The following FRMD1 variants were observed in gnomAD, a reference collection of about 807,000 sequenced individuals.
FRMD1 encodes FERM domain containing 1.
A neutral mutation model predicts 54.9 loss-of-function variants in FRMD1; 51 were observed. The ratio of observed to expected loss-of-function variants is 0.93; its 90% CI spans 0.74 to 1.17. The LOEUF is 1.17. FRMD1 is among the 50% of genes most tolerant of loss of function. The pLI is 0.00. For missense variants in FRMD1, 729 were observed against 743.0 expected (o/e 0.98, Z 0.22); for synonymous variants, 324 against 306.4 (o/e 1.06, Z -0.60).
chr6:168,075,409 G>T, intron 1 of FRMD1, 74 bp from the exon 2 acceptor site: 1 of 1,199,754 alleles, frequency 8.3e-7, no homozygotes, highest in Non-Finnish European at 1.2e-6. Flanking sequence ...AGCAAACGAG[G>T]CCCAGCGGGG....
intron 2 of FRMD1, 101 bp from the exon 3 acceptor site, chr6:168,067,547 G>GTTTT: frequency 1.4e-6 from 1 of 726,392 alleles, no homozygotes; most frequent in Non-Finnish European, 2.4e-6. Context: ...GAGATGCACA[G>GTTTT]CTGAAAACTG....
At chr6:168,082,814 T>C (rs1472379444), upstream of FRMD1, among the ~76,000 whole-genome samples, 1 of 152,228 alleles carries the variant, frequency 6.6e-6, no homozygotes, top group Non-Finnish European at 1.5e-5. Context: ...ATCTGACTTT[T>C]GCTGCTCTGC....
upstream of FRMD1, chr6:168,081,805 C>G (rs1046095415): frequency 2.3e-5 from 9 of 386,104 alleles, no homozygotes; most frequent in Non-Finnish European, 3.7e-5. Flanking sequence ...TGCAGAGGGG[C>G]GAGGTGTCCT....
chr6:168,075,261 G>A lies in FRMD1; in HGVS notation c.288C>T (p.Gly96=). 6.2e-7 allele frequency: 1 copy of A among 1,613,664 alleles called. No individual in the cohort carries two copies. ...VASIRDAQFF[G]LCVVRNNEYI... is the part of the protein sequence containing the mutation. ...GATGCTTACTTCTGACCACACAGAG[G>A]CCAAAGAACTGCGCGTCTCTGATGC... Residue 96 remains glycine, a synonymous_variant, in exon 2 of 11, where the codon GGC becomes GGT. Coordinates refer to ENST00000283309, the MANE Select transcript of FRMD1 (RefSeq NM_024919.6).
intron 2 of FRMD1, among the ~76,000 whole-genome samples, chr6:168,074,420 G>T (rs1246008435): frequency 6.6e-6 from 1 of 152,074 alleles, no homozygotes; most frequent in Non-Finnish European, 1.5e-5. Flanking sequence ...CATGTGTGTG[G>T]TGCGCACATG....
intron 2 of FRMD1, among the ~76,000 whole-genome samples, chr6:168,069,483 G>T (rs906117638): frequency 6.6e-6 from 1 of 152,212 alleles, no homozygotes; most frequent in Non-Finnish European, 1.5e-5. Flanking sequence ...CACTATTTGG[G>T]TACTCGAGCT....
intron 6 of FRMD1, 51 bp downstream of exon 6, chr6:168,063,550 C>A: frequency 1.3e-6 from 2 of 1,547,150 alleles, no homozygotes; most frequent in Non-Finnish European, 1.7e-6. Flanking sequence ...CTCCGTGCAT[C>A]CCTGGCCTGG....
intron 2 of FRMD1, among the ~76,000 whole-genome samples, chr6:168,074,621 T>C (rs1800480180): frequency 6.7e-6 from 1 of 149,030 alleles, no homozygotes; most frequent in South Asian, 2.2e-4. Context: ...GTGTGGTGCA[T>C]GCATGTGTAC....
intron 1 of FRMD1, among the ~76,000 whole-genome samples, chr6:168,088,550 T>C (rs771247324): frequency 6.6e-6 from 1 of 152,136 alleles, no homozygotes; most frequent in Non-Finnish European, 1.5e-5. Context: ...CGCTGTTAAC[T>C]CAGCACTAAA....
rs1194378077 is a variant in FRMD1, at chr6:168,064,978, C to G, written c.541G>C (p.Ala181Pro). The G allele has an allele frequency of 1.2e-6, 2 of 1,612,038 alleles. No individual in the cohort carries two copies. The highest frequency in any genetic ancestry group is 1.1e-5 in the South Asian group (1 of 91,028). ...LRSQCAHREEAYFLLAACALQ... is the reference protein window; with the variant it reads ...LRSQCAHREEPYFLLAACALQ... ...GCGCAGGCAGCCAGCAGGAAGTAGGCTTCCTCCCGGTGAGCGCACTGTGAC... is the reference window on the plus strand; with the variant it reads ...GCGCAGGCAGCCAGCAGGAAGTAGGGTTCCTCCCGGTGAGCGCACTGTGAC... Residue 181 changes from alanine to proline, a missense_variant, in exon 5 of 11, where the codon GCC becomes CCC. Ala to Pro is a conservative substitution (Grantham distance 27). Transcript: ENST00000283309.
Position 168,091,290 on chromosome 6 carries a change from C to T in FRMD1, c.-12+10135G>A, listed in dbSNP as rs1036595835. On this transcript the variant is annotated intron_variant, in intron 1 of 12. Transcript: ENST00000644440. The stretch of plus-strand genomic sequence containing the variant: ...AGGGCCAGGCTGCAGGTGGAGATGC[C>T]CCTTCTCTGAATCCTCTTCCACGGA... Among the ~76,000 whole-genome samples the T allele has an allele frequency of 2.0e-5, 3 of 152,350 alleles. No individual in the cohort carries two copies. In the East Asian group the frequency reaches 5.8e-4, roughly 29 times the overall value.
At chr6:168,080,346 C>T (rs1800793269), upstream of FRMD1, among the ~76,000 whole-genome samples, 1 of 152,124 alleles carries the variant, frequency 6.6e-6, no homozygotes, top group Admixed American at 6.5e-5. Flanking sequence ...CCCAAGACAG[C>T]AGTGGCGGTC....
intron 1 of FRMD1, among the ~76,000 whole-genome samples, chr6:168,088,540 C>T (rs1413421508): frequency 3.3e-5 from 5 of 152,174 alleles, no homozygotes; most frequent in Admixed American, 1.3e-4. Context: ...CAGCTGCTGC[C>T]GCTGTTAACT....
intron 4 of FRMD1, 197 bp from the exon 5 acceptor site, chr6:168,065,254 G>A (rs1272338792): frequency 2.2e-6 from 3 of 1,338,844 alleles, no homozygotes; most frequent in African/African-American, 1.5e-5. Context: ...CTGGAGCGGG[G>A]CACAGGTGAC....
chr6:168,089,590 C>A (rs760030881), intron 1 of FRMD1, among the ~76,000 whole-genome samples: 1 of 152,242 alleles, frequency 6.6e-6, no homozygotes, highest in Non-Finnish European at 1.5e-5. Context: ...AGATAATCGA[C>A]CATCAGCAGC....
upstream of FRMD1, chr6:168,081,368 G>A: frequency 6.5e-7 from 1 of 1,534,046 alleles, no homozygotes. Context: ...CTTCTCGACT[G>A]GCCTGTTCGT....
chr6:168,091,673 A>T (rs1159649654), intron 1 of FRMD1, among the ~76,000 whole-genome samples: 1 of 152,100 alleles, frequency 6.6e-6, no homozygotes, highest in Non-Finnish European at 1.5e-5. Context: ...CGGCCCAGGG[A>T]CCCTGAGAAC....
upstream of FRMD1, chr6:168,081,544 A>G (rs1319606451): frequency 1.3e-6 from 2 of 1,510,342 alleles, no homozygotes; most frequent in Admixed American, 2.0e-5. Context: ...TCCATCCTCT[A>G]TCATGAGATA....
In FRMD1 at chr6:168,088,722, G is replaced by A. The variant is rs1264337612; in HGVS notation, c.-11-9698C>T. On this transcript the variant is annotated intron_variant, in intron 1 of 12. Transcript: ENST00000644440. ...CTCCTGTCCCAGGCAGGAGGGCTTT[G>A]TAGACAGAACCCCCAGGCTACCCTC... Among the ~76,000 whole-genome samples, 3 of 152,268 alleles carry A rather than the reference G, an allele frequency of 2.0e-5. No individual in the cohort carries two copies. The East Asian group carries it at 5.8e-4, about 29-fold the overall frequency.
Sources: allele counts gnomAD v4.1 joint callset (sites outside exome capture counted in the v4.1 genomes callset), GRCh38; gene constraint gnomAD v4.1.1; transcripts MANE v1.5; gene names NCBI Gene and HGNC (gene_info 2026-07-23, HGNC 2026-07-21).